The following EIF4E2 variants were observed in gnomAD, a reference collection of about 807,000 sequenced individuals.
EIF4E2 encodes eukaryotic translation initiation factor 4E family member 2, also known as eukaryotic translation initiation factor 4E type 2.
In EIF4E2, 13 loss-of-function variants were observed where a neutral mutation model predicts 34.2. That is an observed-to-expected ratio of 0.38 (90% confidence interval 0.25 to 0.60). EIF4E2 has a LOEUF of 0.60. Among genes scored for constraint, EIF4E2 ranks in the 20% least tolerant of loss-of-function variants. The pLI, the probability that EIF4E2 is intolerant of heterozygous loss-of-function variation, is 0.62. For missense variants in EIF4E2, 222 were observed against 315.1 expected (o/e 0.70, Z 2.24); for synonymous variants, 100 against 106.6 (o/e 0.94, Z 0.38).
At chr2:232,574,554 C>T (rs1693165106) in intron 6 of EIF4E2, among the ~76,000 whole-genome samples, 1 of 152,328 alleles carries the variant, frequency 6.6e-6, no homozygotes, top group East Asian at 1.9e-4. Context: ...CCTATTTTCT[C>T]ATCTGGAAAA....
chr2:232,561,968 A>C (rs1419259836), intron 3 of EIF4E2, among the ~76,000 whole-genome samples: 5 of 151,768 alleles, frequency 3.3e-5, no homozygotes, highest in Non-Finnish European at 7.4e-5. Flanking sequence ...TAGTCCCAGC[A>C]CTCAGGGAGG....
intron 3 of EIF4E2, 22 bp from the exon 4 acceptor site, chr2:232,564,223 TAC>T: frequency 1.3e-6 from 2 of 1,513,414 alleles, no homozygotes; most frequent in Admixed American, 2.0e-5. Context: ...ACATGTTTTT[TAC>T]TCTGGGGTCT....
intron 1 of EIF4E2, among the ~76,000 whole-genome samples, chr2:232,552,140 CA>C (rs1442759709): frequency 3.3e-5 from 5 of 152,104 alleles, no homozygotes; most frequent in Non-Finnish European, 7.4e-5. Flanking sequence ...CAAGCCTACC[CA>C]AATCATTTGG....
At chr2:232,577,027 T>G (rs1360021673) in intron 6 of EIF4E2, among the ~76,000 whole-genome samples, 2 of 152,252 alleles carry the variant, frequency 1.3e-5, no homozygotes, top group Non-Finnish European at 2.9e-5. Flanking sequence ...CTTTTAACTA[T>G]GACTTCAGTA....
chr2:232,574,435 C>A, intron 6 of EIF4E2: 1 of 1,286,434 alleles, frequency 7.8e-7, no homozygotes, highest in Non-Finnish European at 1.1e-6. Context: ...CCTCTACCAA[C>A]ATTGAGCCTC....
downstream of EIF4E2, among the ~76,000 whole-genome samples, chr2:232,571,582 G>T (rs1693092190): frequency 6.6e-6 from 1 of 152,232 alleles, no homozygotes; most frequent in African/African-American, 2.4e-5. Context: ...CCCATAGTGG[G>T]CTACAGCACT....
downstream of EIF4E2, among the ~76,000 whole-genome samples, chr2:232,572,249 A>G (rs1443022795): frequency 6.6e-6 from 1 of 152,246 alleles, no homozygotes; most frequent in Non-Finnish European, 1.5e-5. Flanking sequence ...TTTAGGTGGT[A>G]GATTTGCCTC....
intron 6 of EIF4E2, among the ~76,000 whole-genome samples, chr2:232,577,618 CA>C (rs1157577104): frequency 6.6e-6 from 1 of 152,202 alleles, no homozygotes; most frequent in Non-Finnish European, 1.5e-5. Flanking sequence ...AGTATTTGGA[CA>C]ACGATTTTCC....
At chr2:232,561,502 G>A (rs1278837979) in intron 3 of EIF4E2, among the ~76,000 whole-genome samples, 1 of 152,114 alleles carries the variant, frequency 6.6e-6, no homozygotes, top group South Asian at 2.1e-4. Context: ...CTGTAGGTCT[G>A]GACCTGAAAA....
At chr2:232,580,342 AAG>A (rs1491240524) in intron 6 of EIF4E2, among the ~76,000 whole-genome samples, 1 of 152,242 alleles carries the variant, frequency 6.6e-6, no homozygotes, top group Middle Eastern at 3.4e-3. Context: ...GATAAAAAGA[AAG>A]GGGGGGAGAG....
intron 1 of EIF4E2, chr2:232,553,760 G>C (rs1003866128): frequency 3.9e-5 from 6 of 152,158 alleles, no homozygotes; most frequent in African/African-American, 1.4e-4. Context: ...GGTCCATTAG[G>C]GTTCCCATTT....
At chr2:232,575,094 A>G (rs1042815828) in intron 6 of EIF4E2, among the ~76,000 whole-genome samples, 1 of 152,220 alleles carries the variant, frequency 6.6e-6, no homozygotes, top group Admixed American at 6.5e-5. Context: ...CTTTTCCTGG[A>G]CATCAAACTA....
rs535650852 is a variant in EIF4E2 at position 232,567,373 on chromosome 2, T to G, written c.665+159T>G. 5.6e-6 allele frequency: 8 copies of G among 1,436,572 alleles called. No homozygotes were observed. The South Asian group carries it at 1.2e-4, about 22-fold the overall frequency. 89.0% of individuals were successfully genotyped at this position (1,436,572 alleles called of 1,614,324 possible). A position where few individuals can be genotyped will look rare whatever the true frequency, so the allele number is the denominator to read the frequency against. ...GCTTCTGGCTACTTGCTGCAGTTCT[T>G]TGTCAGCGAGGCTCCCTGCCACCTA... On this transcript the variant is annotated intron_variant, in intron 6 of 6. Transcript: ENST00000258416.
chr2:232,568,231 G>A, intron 6 of EIF4E2: 1 of 985,404 alleles, frequency 1.0e-6, no homozygotes, highest in Non-Finnish European at 1.2e-6. Flanking sequence ...ATGTTCAGCA[G>A]ACAGACCATT....
At chr2:232,583,457 T>G (rs988154112) in exon 7 of EIF4E2, 3 of 129,926 alleles carry the variant, frequency 2.3e-5, no homozygotes, top group African/African-American at 9.0e-5. Context: ...GTGTGTGTGT[T>G]CCCTATGATA....
chr2:232,580,807 C>T lies in EIF4E2; in HGVS notation c.666-97C>T, dbSNP rs76367583. On this transcript the variant is annotated intron_variant, in intron 6 of 6. Coordinates refer to the EIF4E2 transcript ENST00000409098. ...GCCCCGGGATATGTCATGGAGACCC[C>T]GAGGGCTGATGAGTCAGCATCCCCC... 34 of 1,140,424 alleles carry T rather than the reference C, an allele frequency of 3.0e-5. No homozygotes were observed. The Admixed American group carries it at 5.0e-4, about 17-fold the overall frequency. The allele number at this position is 1,140,424 out of a possible 1,614,324, so 70.6% of individuals were successfully genotyped here. A position where few individuals can be genotyped will look rare whatever the true frequency, so the allele number is the denominator to read the frequency against.
At chr2:232,561,708 A>G (rs773758390) in intron 3 of EIF4E2, among the ~76,000 whole-genome samples, 6 of 152,186 alleles carry the variant, frequency 3.9e-5, no homozygotes, top group Non-Finnish European at 8.8e-5. Context: ...TCATCTTGAA[A>G]TGGAAAGAGC....
chr2:232,567,256 A>G (rs766560984), intron 6 of EIF4E2, 42 bp downstream of exon 6: 6 of 1,611,696 alleles, frequency 3.7e-6, no homozygotes, highest in Non-Finnish European at 5.1e-6. Context: ...CCCTAAGCTT[A>G]GTATAAGTAG....
At chr2:232,574,134 C>A, downstream of EIF4E2, 1 of 949,112 alleles carries the variant, frequency 1.1e-6, no homozygotes, top group Non-Finnish European at 1.7e-6. Flanking sequence ...GCTCTGCTCC[C>A]AGGTACCTGT....
Sources: allele counts gnomAD v4.1 joint callset (sites outside exome capture counted in the v4.1 genomes callset), GRCh38; gene constraint gnomAD v4.1.1; transcripts MANE v1.5; gene names NCBI Gene and HGNC (gene_info 2026-07-23, HGNC 2026-07-21).